PDK3: variants seen among roughly 807,000 people sequenced by gnomAD.
PDK3 encodes the protein pyruvate dehydrogenase kinase, isozyme 3.
A neutral mutation model predicts 32.0 loss-of-function variants in PDK3; 12 were observed. That is an observed-to-expected ratio of 0.37 (90% confidence interval 0.24 to 0.61). The LOEUF (loss-of-function observed/expected upper bound fraction) is 0.61. PDK3 is among the 20% of genes least tolerant of loss of function. PDK3 has a pLI of 0.65. For missense variants in PDK3, 188 were observed against 316.9 expected (o/e 0.59, Z 3.09); for synonymous variants, 122 against 116.3 (o/e 1.05, Z -0.31).
At chrX:24,490,553 C>G (rs1921530060) in intron 1 of PDK3, among the ~76,000 whole-genome samples, 1 of 111,525 alleles carries the variant, frequency 9.0e-6, no homozygotes, top group Non-Finnish European at 1.9e-5. Flanking sequence ...ATATTTGCTG[C>G]CACAACTCAT....
chrX:24,518,022 A>G (rs1424694278), intron 5 of PDK3, among the ~76,000 whole-genome samples: 5 of 112,309 alleles, frequency 4.5e-5, no homozygotes, highest in Non-Finnish European at 7.5e-5. Context: ...TTTTGCTACA[A>G]TTTAGTCAGG....
intron 1 of PDK3, among the ~76,000 whole-genome samples, chrX:24,485,210 C>T (rs1318467971): frequency 9.0e-6 from 1 of 110,580 alleles, no homozygotes; most frequent in Admixed American, 9.7e-5. Flanking sequence ...TAGCCAGGCG[C>T]GGTGGTGCAC....
At chrX:24,499,295 C>T (rs1243923442) in intron 3 of PDK3, among the ~76,000 whole-genome samples, 1 of 110,871 alleles carries the variant, frequency 9.0e-6, no homozygotes, top group African/African-American at 3.3e-5. Context: ...TACATTTGAG[C>T]TCAAAAACTG....
In PDK3 at chrX:24,472,675, C is replaced by CTTTTTTTTTT. The variant is rs761538432; in HGVS notation, c.106+7131_106+7140dup. ...ATATGGCTTACATATTTCTTTCTTT[C>CTTTTTTTTTT]TTTTTTTTTTTTTTTTTTTTTTTTT... On this transcript the variant is annotated intron_variant, in intron 1 of 10. Coordinates refer to ENST00000379162, the MANE Select transcript of PDK3 (RefSeq NM_005391.5). 8.2e-4 allele frequency among the ~76,000 whole-genome samples: 41 copies of CTTTTTTTTTT among 49,716 alleles called. 1 individual carries two copies. Among genetic ancestry groups the CTTTTTTTTTT allele is most frequent in the South Asian group, 1.6e-3 (1 of 626 alleles). 43.2% of individuals were successfully genotyped at this position (49,716 alleles called of 115,157 possible). A position where few individuals can be genotyped will look rare whatever the true frequency, so the allele number is the denominator to read the frequency against.
chrX:24,492,780 T>A (rs1007489552), intron 1 of PDK3, among the ~76,000 whole-genome samples: 6 of 110,444 alleles, frequency 5.4e-5, no homozygotes, highest in Non-Finnish European at 1.1e-4. Context: ...GGCGGGTGGA[T>A]CACGAGTCAG....
At chrX:24,513,140 G>A (rs185112897) in intron 5 of PDK3, among the ~76,000 whole-genome samples, 3 of 110,750 alleles carry the variant, frequency 2.7e-5, no homozygotes, top group Non-Finnish European at 5.7e-5. Flanking sequence ...ACGATCACAA[G>A]TTTTAGGATT....
exon 12 of PDK3, among the ~76,000 whole-genome samples, chrX:24,540,259 C>T (rs774877308): frequency 3.6e-5 from 4 of 111,801 alleles, no homozygotes; most frequent in South Asian, 7.5e-4. Flanking sequence ...TAGAAGTGAC[C>T]GAAGAATCCG....
At chrX:24,482,090 G>T (rs746757491) in intron 1 of PDK3, among the ~76,000 whole-genome samples, 3 of 112,393 alleles carry the variant, frequency 2.7e-5, no homozygotes, top group South Asian at 7.3e-4. Flanking sequence ...TTCTCACAGC[G>T]TCCACATTAA....
At chrX:24,498,720 A>G (rs919756612) in intron 2 of PDK3, 109 bp from the exon 3 acceptor site, 1 of 418,730 alleles carries the variant, frequency 2.4e-6, no homozygotes, top group Non-Finnish European at 4.0e-6. Context: ...TGGGATGGAG[A>G]CCTGAGTGAA....
chrX:24,466,450 A>G (rs1940065483), intron 1 of PDK3, among the ~76,000 whole-genome samples: 1 of 112,182 alleles, frequency 8.9e-6, no homozygotes, highest in Middle Eastern at 4.2e-3. Context: ...GAGGAAAATC[A>G]AATCCAGCAG....
chrX:24,493,042 C>T (rs1405518901), intron 1 of PDK3, among the ~76,000 whole-genome samples: 5 of 110,040 alleles, frequency 4.5e-5, no homozygotes, highest in African/African-American at 1.3e-4. Flanking sequence ...ATGTTAATTG[C>T]CTAAGGCCAA....
exon 12 of PDK3, among the ~76,000 whole-genome samples, chrX:24,543,890 C>G (rs978148827): frequency 3.6e-5 from 4 of 111,771 alleles, no homozygotes; most frequent in African/African-American, 1.3e-4. Flanking sequence ...ATTTATCTAT[C>G]CTTTGCATCT....
At chrX:24,546,992 A>AT (rs984365843) in exon 12 of PDK3, 1 of 112,400 alleles carries the variant, frequency 8.9e-6, no homozygotes, top group Non-Finnish European at 1.9e-5. Context: ...CTGTATGTGC[A>AT]TTTTTTGGTA....
chrX:24,527,762 G>A, intron 8 of PDK3, 87 bp downstream of exon 8: 2 of 559,789 alleles, frequency 3.6e-6, no homozygotes, highest in South Asian at 6.5e-5. Flanking sequence ...GAAGGAAATT[G>A]ACATTTATTG....
chrX:24,518,286 C>T (rs1383267068), intron 5 of PDK3, among the ~76,000 whole-genome samples: 6 of 111,231 alleles, frequency 5.4e-5, no homozygotes, highest in Non-Finnish European at 1.1e-4. Flanking sequence ...AGTTCGAGAC[C>T]AGCCTGGCCA....
At chrX:24,484,272 C>T (rs1012238917) in intron 1 of PDK3, among the ~76,000 whole-genome samples, 1 of 112,223 alleles carries the variant, frequency 8.9e-6, no homozygotes, top group Non-Finnish European at 1.9e-5. Context: ...CCTTGGCTTC[C>T]CACTGGGATT....
chrX:24,509,320 T>G (rs1379040119), intron 5 of PDK3, among the ~76,000 whole-genome samples: 1 of 111,151 alleles, frequency 9.0e-6, no homozygotes, highest in African/African-American at 3.3e-5. Context: ...CCTGCGCTTA[T>G]TAACTATATT....
chrX:24,483,580 A>C (rs1921316539), intron 1 of PDK3, among the ~76,000 whole-genome samples: 1 of 112,178 alleles, frequency 8.9e-6, no homozygotes, highest in Admixed American at 9.4e-5. Context: ...AAATATATAG[A>C]ATGAAGTTGG....
At chrX:24,470,356 C>G (rs1258699827) in intron 1 of PDK3, among the ~76,000 whole-genome samples, 3 of 111,320 alleles carry the variant, frequency 2.7e-5, no homozygotes, top group Non-Finnish European at 5.6e-5. Flanking sequence ...GATTTTCTGT[C>G]TCTTCTAGAG....
Sources: gnomAD v4.1 joint callset for allele counts (sites outside exome capture counted in the v4.1 genomes callset) on GRCh38, gnomAD v4.1.1 for gene constraint, MANE v1.5 for transcripts, NCBI Gene and HGNC (gene_info 2026-07-23, HGNC 2026-07-21) for gene names.